ARL10: variants seen among roughly 807,000 people sequenced by gnomAD.
The protein encoded by ARL10 is ADP-ribosylation factor-like protein 10.
A neutral mutation model predicts 26.1 loss-of-function variants in ARL10; 23 were observed. The observed-to-expected ratio is 0.88, with a 90% confidence interval of 0.63 to 1.25. The LOEUF is 1.25. ARL10 is among the 50% of genes most tolerant of loss of function. The pLI is 0.00. For missense variants in ARL10, 300 were observed against 323.6 expected, an observed-to-expected ratio of 0.93 and a Z score of 0.56; for synonymous variants, 138 against 149.1, an observed-to-expected ratio of 0.93 and a Z score of 0.54.
chr5:176,411,400 C>T, the ARL10 span, among the ~76,000 whole-genome samples: 1 of 152,208 alleles, frequency 6.6e-6, no homozygotes, highest in South Asian at 2.1e-4. Flanking sequence ...CCTACTCCTG[C>T]CTTGGGGACT....
At chr5:176,404,627 G>A (rs1307982969), downstream of ARL10, among the ~76,000 whole-genome samples, 4 of 152,326 alleles carry the variant, frequency 2.6e-5, no homozygotes, top group African/African-American at 9.6e-5. Flanking sequence ...GTCCCAAGGT[G>A]CCAAGCCTGG....
downstream of ARL10, chr5:176,384,556 G>A (rs879266394): frequency 1.6e-6 from 1 of 622,962 alleles, no homozygotes; most frequent in Non-Finnish European, 2.7e-6. Context: ...GGAGGCCGAG[G>A]TGGGAGGATC....
At chr5:176,391,031 A>C (rs1050264810), downstream of ARL10, among the ~76,000 whole-genome samples, 1 of 152,158 alleles carries the variant, frequency 6.6e-6, no homozygotes, top group Admixed American at 6.5e-5. Flanking sequence ...TACTGTTTTC[A>C]ACACCAGCTT....
chr5:176,389,290 G>T, downstream of ARL10: 1 of 1,586,440 alleles, frequency 6.3e-7, no homozygotes, highest in Non-Finnish European at 8.6e-7. Context: ...GACCTGCGGG[G>T]CCCGACCTGC....
intron 1 of ARL10, chr5:176,397,598 C>T (rs1224255190): frequency 6.3e-7 from 1 of 1,586,998 alleles, no homozygotes; most frequent in Non-Finnish European, 8.6e-7. Flanking sequence ...GTCCCTACAG[C>T]CCTCTCACCG....
chr5:176,389,385 G>A, downstream of ARL10: 1 of 1,614,112 alleles, frequency 6.2e-7, no homozygotes, highest in Non-Finnish European at 8.5e-7. Context: ...TTCCACCGGG[G>A]CAACAGCCAG....
downstream of ARL10, chr5:176,392,950 G>A (rs13167355): frequency 0.086 from 138,907 of 1,613,800 alleles, 6,787 homozygotes; most frequent in African/African-American, 0.16. The surrounding 1 kb of genome is among the most constrained non-coding windows in gnomAD (Gnocchi z 5.2). Context: ...GATGCCCTGC[G>A]GGTGGAGATA....
At chr5:176,405,429 A>G (rs1177618697), downstream of ARL10, among the ~76,000 whole-genome samples, 1 of 150,454 alleles carries the variant, frequency 6.6e-6, no homozygotes, top group Non-Finnish European at 1.5e-5. Flanking sequence ...TCAAGGCTGC[A>G]GTGAGCCATG....
At chr5:176,387,074 CT>C in intron 1 of ARL10, 1 of 543,384 alleles carries the variant, frequency 1.8e-6, no homozygotes, top group Non-Finnish European at 3.3e-6. Context: ...TTCTCTCTCT[CT>C]CTCTTTTTTT....
downstream of ARL10, chr5:176,392,987 TC>T (rs1351540411): frequency 6.2e-7 from 1 of 1,611,400 alleles, no homozygotes; most frequent in Non-Finnish European, 8.5e-7. The surrounding 1 kb of genome is among the most constrained non-coding windows in gnomAD (Gnocchi z 5.2). Flanking sequence ...CAGTCTGCTT[TC>T]CCCCAGCCTT....
At chr5:176,398,528 T>C (rs1334233839) in intron 1 of ARL10, among the ~76,000 whole-genome samples, 1 of 151,842 alleles carries the variant, frequency 6.6e-6, no homozygotes, top group Non-Finnish European at 1.5e-5. Flanking sequence ...CTGACCAACA[T>C]GGAGAAATCC....
At chr5:176,390,405 A>G (rs923895826), downstream of ARL10, among the ~76,000 whole-genome samples, 2 of 151,726 alleles carry the variant, frequency 1.3e-5, no homozygotes, top group African/African-American at 4.8e-5. Flanking sequence ...ACCTCCCTAG[A>G]GTCTATGGGG....
chr5:176,384,366 G>A, downstream of ARL10: 1 of 1,612,802 alleles, frequency 6.2e-7, no homozygotes. Context: ...TCTCATCACG[G>A]GCCATGGCCT....
intron 1 of ARL10, among the ~76,000 whole-genome samples, chr5:176,399,569 C>A (rs1272327485): frequency 6.6e-6 from 1 of 152,014 alleles, no homozygotes; most frequent in East Asian, 1.9e-4. Flanking sequence ...CAGCAAGAGT[C>A]TGTCACTATT....
Position 176,368,705 on chromosome 5 carries a change from TG to T in ARL10, c.386-97del. On this transcript the variant is annotated intron_variant, in intron 2 of 3. Coordinates refer to ENST00000310389, the MANE Select transcript of ARL10 (RefSeq NM_173664.6). The surrounding 1 kb of genome is among the most constrained non-coding windows in gnomAD (Gnocchi z 4.1). ...CAGTGAGCGGGGGCCCGGGGTGGGG[TG>T]GGGGCTGTGGGCAGTGAGCGGGGGC... is the stretch of plus-strand genomic sequence containing the variant. 8.8e-7 allele frequency: 1 copy of T among 1,132,380 alleles called. No individual in the cohort carries two copies. Among genetic ancestry groups the T allele is most frequent in the East Asian group, 3.0e-5 (1 of 33,164 alleles). 70.1% of individuals were successfully genotyped at this position (1,132,380 alleles called of 1,614,324 possible).
At chr5:176,366,219 C>T (rs1228792875) in intron 1 of ARL10, among the ~76,000 whole-genome samples, 161 bp from the exon 2 acceptor site, 1 of 152,214 alleles carries the variant, frequency 6.6e-6, no homozygotes, top group East Asian at 1.9e-4. Context: ...GTTTGGAATT[C>T]AGGACTGCAA....
the ARL10 span, among the ~76,000 whole-genome samples, chr5:176,409,291 T>C: frequency 6.0e-5 from 6 of 100,362 alleles, no homozygotes; most frequent in Admixed American, 5.3e-4. Flanking sequence ...ATTTTTAAAA[T>C]TGAAAAAAAA....
At chr5:176,401,278 C>T (rs546180817) in intron 1 of ARL10, among the ~76,000 whole-genome samples, 1 of 152,202 alleles carries the variant, frequency 6.6e-6, no homozygotes, top group Non-Finnish European at 1.5e-5. Context: ...TATCCAGGTG[C>T]CCTATTTTAT....
In ARL10 at chr5:176,372,154, G is replaced by A; in HGVS notation, c.*259G>A. On this transcript the variant is annotated 3_prime_UTR_variant, in exon 4 of 4. Coordinates refer to ENST00000310389, the MANE Select transcript of ARL10 (RefSeq NM_173664.6). ...TGTCTGGCTCATTCCAGGCTGGAAT[G>A]TGGATCCAGCTTTCCCTTCTCTTAC... 1 of 1,239,390 alleles carries A rather than the reference G, an allele frequency of 8.1e-7. No homozygotes were observed. Among genetic ancestry groups the A allele is most frequent in the Non-Finnish European group, 1.1e-6 (1 of 948,480 alleles). 76.8% of individuals were successfully genotyped at this position (1,239,390 alleles called of 1,614,324 possible).
Sources: gnomAD v4.1 joint callset for allele counts (sites outside exome capture counted in the v4.1 genomes callset) on GRCh38, gnomAD v4.1.1 for gene constraint, Gnocchi (gnomAD v3.1) non-coding constraint, MANE v1.5 for transcripts, NCBI Gene and HGNC (gene_info 2026-07-23, HGNC 2026-07-21) for gene names.